KCNIP3: variants seen among roughly 807,000 people sequenced by gnomAD.
The protein encoded by KCNIP3 is calsenilin.
A neutral mutation model predicts 35.0 loss-of-function variants in KCNIP3; 28 were observed. That is an observed-to-expected ratio of 0.80 (90% CI 0.59 to 1.10). The LOEUF is 1.10. KCNIP3 is among the 50% of genes least tolerant of loss of function. KCNIP3 has a pLI of 0.00. For missense variants in KCNIP3, 295 were observed against 338.4 expected, an observed-to-expected ratio of 0.87 and a Z score of 1.01; for synonymous variants, 134 against 133.8, an observed-to-expected ratio of 1.00 and a Z score of -0.01.
intron 2 of KCNIP3, among the ~76,000 whole-genome samples, chr2:95,350,162 C>T (rs1377100413): frequency 5.9e-5 from 9 of 152,152 alleles, no homozygotes; most frequent in Non-Finnish European, 1.2e-4. Flanking sequence ...TTGGTGGGCC[C>T]CGGCAGGCAG....
chr2:95,349,872 C>A (rs1679469403), intron 2 of KCNIP3, among the ~76,000 whole-genome samples: 1 of 152,222 alleles, frequency 6.6e-6, no homozygotes, highest in Non-Finnish European at 1.5e-5. Context: ...CCCCGAGGGC[C>A]ATCAAGGGGA....
rs1265302973 is a variant in KCNIP3 at position 95,374,919 on chromosome 2, T to G, written c.376+2T>G. The G allele has an allele frequency of 6.2e-7, 1 of 1,613,566 alleles. No individual in the cohort carries two copies. Among genetic ancestry groups the G allele is most frequent in the Non-Finnish European group, 8.5e-7 (1 of 1,179,814 alleles). ...ACGCGCAGTTCTTCCCTCAGGGAGG[T>G]GAGTCTGAGGCAGGGCAGCCCTGCT... is the stretch of plus-strand genomic sequence containing the variant. On this transcript the variant is annotated splice_donor_variant, in intron 4 of 8. Transcript: ENST00000295225. LOFTEE classifies it high-confidence loss of function.
intron 2 of KCNIP3, chr2:95,313,201 T>G (rs1428903619): frequency 2.6e-5 from 4 of 152,244 alleles, no homozygotes; most frequent in African/African-American, 9.7e-5. Flanking sequence ...CAGAGACACA[T>G]GTCGGGAACA....
intron 2 of KCNIP3, among the ~76,000 whole-genome samples, chr2:95,318,982 C>T (rs1678524942): frequency 6.6e-6 from 1 of 152,230 alleles, no homozygotes; most frequent in Non-Finnish European, 1.5e-5. Flanking sequence ...GCCGGCAGGG[C>T]TGGGCTGCCA....
At chr2:95,300,818 G>C (rs565100244) in intron 1 of KCNIP3, among the ~76,000 whole-genome samples, 3 of 152,316 alleles carry the variant, frequency 2.0e-5, no homozygotes, top group Non-Finnish European at 4.4e-5. Context: ...CACTAGAGTC[G>C]GCCCAGCCTC....
chr2:95,371,635 G>T (rs913629244), intron 2 of KCNIP3, among the ~76,000 whole-genome samples: 2 of 152,074 alleles, frequency 1.3e-5, no homozygotes, highest in Non-Finnish European at 2.9e-5. Context: ...AATTATGATT[G>T]TGACTTTTTT....
intron 2 of KCNIP3, among the ~76,000 whole-genome samples, chr2:95,341,789 G>A (rs1679200893): frequency 6.6e-6 from 1 of 152,222 alleles, no homozygotes; most frequent in South Asian, 2.1e-4. Flanking sequence ...TTGGGAAAAG[G>A]TGTCATGTGA....
At position 95,362,419 on chromosome 2, in the gene KCNIP3, A is replaced by G. The variant is rs536485403; in HGVS notation, c.182-11877A>G. Among the ~76,000 whole-genome samples the G allele has an allele frequency of 2.6e-5, 4 of 152,164 alleles. No homozygotes were observed. In the South Asian group the frequency reaches 8.3e-4, roughly 32 times the overall value. On this transcript the variant is annotated intron_variant, in intron 2 of 8. Transcript: ENST00000295225. ...CCACACCCGGCCTCTCTTACTCTTC[A>G]TATAAGGCTACCAATCTTATGGGAT...
chr2:95,318,599 C>T (rs1483309611), intron 2 of KCNIP3, among the ~76,000 whole-genome samples: 1 of 152,162 alleles, frequency 6.6e-6, no homozygotes, highest in Non-Finnish European at 1.5e-5. Flanking sequence ...CCACTCCAGG[C>T]TCTCCCTCCT....
intron 2 of KCNIP3, chr2:95,346,783 G>C (rs1480345040): frequency 6.0e-6 from 1 of 167,910 alleles, no homozygotes; most frequent in Non-Finnish European, 1.3e-5. Flanking sequence ...AGTTGCGCTC[G>C]GGCTCGGCCG....
At chr2:95,304,715 G>A (rs565966543) in intron 1 of KCNIP3, among the ~76,000 whole-genome samples, 4 of 152,246 alleles carry the variant, frequency 2.6e-5, no homozygotes, top group African/African-American at 7.2e-5. Flanking sequence ...TCAAAAAGTT[G>A]GTGTGACCAT....
At chr2:95,318,758 C>T (rs1678519198) in intron 2 of KCNIP3, among the ~76,000 whole-genome samples, 1 of 152,248 alleles carries the variant, frequency 6.6e-6, no homozygotes, top group Non-Finnish European at 1.5e-5. Context: ...AAGGAGTGAG[C>T]ATCAGCAGCT....
intron 8 of KCNIP3, among the ~76,000 whole-genome samples, chr2:95,383,665 G>C (rs1369194347): frequency 6.6e-6 from 1 of 152,202 alleles, no homozygotes; most frequent in Non-Finnish European, 1.5e-5. Context: ...GAGCACCTCA[G>C]GGGGCAGGAT....
chr2:95,374,967 G>T, intron 4 of KCNIP3, 50 bp downstream of exon 4: 1 of 1,574,324 alleles, frequency 6.4e-7, no homozygotes. Flanking sequence ...GGAGGGAGGG[G>T]ACCCTCCTGC....
rs549601043 is a variant in KCNIP3, at chr2:95,376,311, G to T, written c.447+1103G>T. Reference sequence around the variant, plus strand: ...AGGCAGTAAAGCATCTTTAGGAAACGGTGTAAGGGAGCAGGCGGGGTGCGA... The same window carrying T: ...AGGCAGTAAAGCATCTTTAGGAAACTGTGTAAGGGAGCAGGCGGGGTGCGA... On this transcript the variant is annotated intron_variant, in intron 5 of 8. Transcript: ENST00000295225. The surrounding 1 kb of genome is among the most constrained non-coding windows in gnomAD (Gnocchi z 4.2). Among the ~76,000 whole-genome samples the T allele has an allele frequency of 6.6e-6, 1 of 152,222 alleles. No individual in the cohort carries two copies. Among genetic ancestry groups the T allele is most frequent in the African/African-American group, 2.4e-5 (1 of 41,464 alleles).
In KCNIP3 at chr2:95,376,758, G is replaced by A. The variant is rs1189580355; in HGVS notation, c.447+1550G>A. ...GACTGGGATCCCAGTGGTCACAAAG[G>A]ATCCTGCCAGGGACGGAGGCACCAA... On this transcript the variant is annotated intron_variant, in intron 5 of 8. Transcript: ENST00000295225. This position sits in a 1 kb window ranked among gnomAD's most constrained non-coding sequence, Gnocchi z 4.2. Among the ~76,000 whole-genome samples the A allele has an allele frequency of 6.6e-6, 1 of 152,192 alleles. No homozygotes were observed. Among genetic ancestry groups the A allele is most frequent in the Non-Finnish European group, 1.5e-5 (1 of 68,036 alleles).
chr2:95,370,759 A>AT (rs377232010), intron 2 of KCNIP3, among the ~76,000 whole-genome samples: 6 of 151,070 alleles, frequency 4.0e-5, no homozygotes, highest in Admixed American at 2.6e-4. Context: ...TTTGTCATTG[A>AT]TTTTTTTTTC....
intron 2 of KCNIP3, among the ~76,000 whole-genome samples, chr2:95,343,041 C>T (rs1679256479): frequency 6.6e-6 from 1 of 152,022 alleles, no homozygotes; most frequent in Non-Finnish European, 1.5e-5. Context: ...GGAGGAGAAC[C>T]ACAGTGGAGG....
At chr2:95,324,714 C>G (rs974814548) in intron 2 of KCNIP3, among the ~76,000 whole-genome samples, 3 of 151,800 alleles carry the variant, frequency 2.0e-5, no homozygotes, top group African/African-American at 7.3e-5. Flanking sequence ...AGTTCGAGAC[C>G]AGCCTGGCCA....
Sources: allele counts gnomAD v4.1 joint callset (sites outside exome capture counted in the v4.1 genomes callset), GRCh38; gene constraint gnomAD v4.1.1; non-coding constraint Gnocchi (gnomAD v3.1); transcripts MANE v1.5; gene names NCBI Gene and HGNC (gene_info 2026-07-23, HGNC 2026-07-21).